Variants in OTUD7A observed in about 807,000 individuals in gnomAD.
OTUD7A encodes the protein OTU domain-containing protein 7A.
A neutral mutation model predicts 65.7 loss-of-function variants in OTUD7A; 12 were observed. The ratio of observed to expected loss-of-function variants is 0.18; its 90% CI spans 0.12 to 0.30. OTUD7A has a LOEUF of 0.30. OTUD7A is among the 10% of genes least tolerant of loss of function. The pLI is 1.00. For missense variants in OTUD7A, 1,148 were observed against 1,304.8 expected (o/e 0.88, Z 1.85); for synonymous variants, 641 against 586.3 (o/e 1.09, Z -1.35).
intron 1 of OTUD7A, among the ~76,000 whole-genome samples, chr15:31,862,803 G>A (rs1403441736): frequency 1.3e-5 from 2 of 152,016 alleles, no homozygotes; most frequent in Non-Finnish European, 2.9e-5. Flanking sequence ...AAAACCAATT[G>A]TGCCTTCCCA....
At chr15:31,578,613 G>A (rs1889277433) in intron 3 of OTUD7A, among the ~76,000 whole-genome samples, 1 of 151,578 alleles carries the variant, frequency 6.6e-6, no homozygotes, top group East Asian at 1.9e-4. Context: ...GTGCCGTGGT[G>A]CAATTTCAGC....
intron 10 of OTUD7A, 114 bp downstream of exon 10, chr15:31,501,576 T>C: frequency 7.4e-7 from 1 of 1,353,024 alleles, no homozygotes; most frequent in East Asian, 2.3e-5. Flanking sequence ...TGTGCACAGG[T>C]GTGCTTCTAA....
chr15:31,753,832 T>C (rs1466489268), intron 1 of OTUD7A, among the ~76,000 whole-genome samples: 4 of 150,876 alleles, frequency 2.7e-5, no homozygotes, highest in Non-Finnish European at 4.4e-5. Context: ...TAAACACACA[T>C]GTGCAGTTAT....
intron 1 of OTUD7A, among the ~76,000 whole-genome samples, chr15:31,732,650 T>C (rs1894079719): frequency 6.6e-6 from 1 of 152,228 alleles, no homozygotes; most frequent in Non-Finnish European, 1.5e-5. Flanking sequence ...AAGTTTCCTA[T>C]GTACAGGTGG....
rs186380729 is a variant in OTUD7A, at chr15:31,555,590, G to T, written c.550+3379C>A. Among the ~76,000 whole-genome samples, 116 of 152,282 alleles carry T rather than the reference G, an allele frequency of 7.6e-4. 1 individual carries two copies. The highest frequency in any genetic ancestry group is 2.7e-3 in the African/African-American group (113 of 41,564). On this transcript the variant is annotated intron_variant, in intron 5 of 12. Coordinates refer to ENST00000307050, the MANE Select transcript of OTUD7A (RefSeq NM_001382637.1). Reference sequence around the variant, plus strand: ...GTACAGGAGCTGCCAGTGCTTTCCAGTGACCAAACTCCTCACCCAGATGGG... The same window carrying T: ...GTACAGGAGCTGCCAGTGCTTTCCATTGACCAAACTCCTCACCCAGATGGG...
rs555002742 is a variant in OTUD7A at position 31,529,989 on chromosome 15, A to T, written c.652+718T>A. Among the ~76,000 whole-genome samples, 4 of 152,334 alleles carry T rather than the reference A, an allele frequency of 2.6e-5. No individual in the cohort carries two copies. The South Asian group carries it at 6.2e-4, about 24-fold the overall frequency. On this transcript the variant is annotated intron_variant, in intron 6 of 12. Coordinates refer to ENST00000307050, the MANE Select transcript of OTUD7A (RefSeq NM_001382637.1). ...CTTGTGCATATAACGCTGGGCCTAA[A>T]GGGATAACTGAGGTTCCAGAAAGTC...
chr15:31,482,334 A>C lies in OTUD7A; in HGVS notation c.*960T>G, dbSNP rs2141056881. On this transcript the variant is annotated 3_prime_UTR_variant, in exon 13 of 13. Coordinates refer to ENST00000307050, the MANE Select transcript of OTUD7A (RefSeq NM_001382637.1). ...GCCCCTTCCCTTTGGAAAGAGCAGC[A>C]GCCTAGTGGGGGCTTACACAGTGAC... The C allele has an allele frequency of 6.6e-6, 1 of 152,446 alleles. No individual in the cohort carries two copies. The highest frequency in any genetic ancestry group is 2.1e-4 in the South Asian group (1 of 4,828). 9.4% of individuals were successfully genotyped at this position (152,446 alleles called of 1,614,324 possible).
chr15:31,810,989 C>T (rs148002063), intron 1 of OTUD7A, among the ~76,000 whole-genome samples: 64 of 152,262 alleles, frequency 4.2e-4, no homozygotes, highest in African/African-American at 1.5e-3. Context: ...GTATTGTGTG[C>T]CTGTGAAGGA....
In OTUD7A at chr15:31,559,057, T is replaced by C; in HGVS notation, c.462A>G (p.Pro154=). The change falls in exon 5 of 13, where the codon CCA becomes CCG. Residue 154 remains proline, a synonymous_variant. Coordinates refer to ENST00000307050, the MANE Select transcript of OTUD7A (RefSeq NM_001382637.1). The stretch of plus-strand genomic sequence containing the variant: ...AATCCTCGCTGTACACGCTCAGGTC[T>C]GGCAACTGGAATGTGTAGATTGGCA... The part of the protein sequence containing the change: ...LEMPIYTFQL[P]DLSVYSEDFR... 1 of 1,614,222 alleles carries C rather than the reference T, an allele frequency of 6.2e-7. No individual in the cohort carries two copies. Among genetic ancestry groups the C allele is most frequent in the Non-Finnish European group, 8.5e-7 (1 of 1,180,038 alleles).
Position 31,665,041 on chromosome 15 carries a change from C to T in OTUD7A, c.-99-7964G>A, listed in dbSNP as rs141032964. Among the ~76,000 whole-genome samples, 1,218 of 152,242 alleles carry T rather than the reference C, an allele frequency of 8.0e-3. 16 individuals carry two copies. The highest frequency in any genetic ancestry group is 0.025 in the African/African-American group (1,031 of 41,558). On this transcript the variant is annotated intron_variant, in intron 1 of 12. Transcript: ENST00000307050. ...TGTGCCTATTTTTATACCAGTACCA[C>T]GCTGTTTTGGTGACTACGGCCTTAT...
chr15:31,864,795 A>AC (rs1491113393), intron 1 of OTUD7A, among the ~76,000 whole-genome samples: 1,500 of 141,588 alleles, frequency 0.011, 27 homozygotes, highest in African/African-American at 0.037. Flanking sequence ...ACACACACAC[A>AC]AGTCAAAGCA....
intron 1 of OTUD7A, among the ~76,000 whole-genome samples, chr15:31,736,144 G>A (rs1408010775): frequency 6.6e-6 from 1 of 152,146 alleles, no homozygotes; most frequent in African/African-American, 2.4e-5. Context: ...GAAATAATCT[G>A]TACAACAAAC....
At chr15:31,775,806 G>T (rs185273288) in intron 1 of OTUD7A, among the ~76,000 whole-genome samples, 41 of 152,284 alleles carry the variant, frequency 2.7e-4, no homozygotes, top group Non-Finnish European at 4.6e-4. Flanking sequence ...GTATCCCTCA[G>T]GACAGGTTCT....
At chr15:31,739,999 T>C (rs1894296156) in intron 1 of OTUD7A, among the ~76,000 whole-genome samples, 1 of 152,240 alleles carries the variant, frequency 6.6e-6, no homozygotes, top group East Asian at 1.9e-4. Context: ...CTTTGAATGA[T>C]GCTACACTTG....
At position 31,545,230 on chromosome 15, in the gene OTUD7A, T is replaced by G. The variant is rs143792535; in HGVS notation, c.550+13739A>C. 1.0e-2 allele frequency among the ~76,000 whole-genome samples: 1,520 copies of G among 152,186 alleles called. 16 individuals carry two copies. Among genetic ancestry groups the G allele is most frequent in the Non-Finnish European group, 0.016 (1,081 of 67,918 alleles). ...GATGATTTCAATAAATGGTACCATG[T>G]CAGGTTGATGAATATATGGGAAAAT... On this transcript the variant is annotated intron_variant, in intron 5 of 12. Coordinates refer to ENST00000307050, the MANE Select transcript of OTUD7A (RefSeq NM_001382637.1).
At chr15:31,805,732 T>A in intron 1 of OTUD7A, among the ~76,000 whole-genome samples, 1 of 152,038 alleles carries the variant, frequency 6.6e-6, no homozygotes, top group South Asian at 2.1e-4. Context: ...CTGCCTGAGG[T>A]CCCTGACTCC....
intron 1 of OTUD7A, among the ~76,000 whole-genome samples, chr15:31,752,818 C>T (rs1385116917): frequency 6.6e-6 from 1 of 151,930 alleles, no homozygotes; most frequent in African/African-American, 2.4e-5. Context: ...AAAATCTTTG[C>T]CATATAACAA....
At chr15:31,677,404 TC>T (rs1892617845) in intron 1 of OTUD7A, among the ~76,000 whole-genome samples, 3 of 152,152 alleles carry the variant, frequency 2.0e-5, no homozygotes, top group African/African-American at 7.2e-5. Flanking sequence ...AAAGTGAAGG[TC>T]CATCCAATAT....
chr15:31,534,449 C>T (rs1166184380), intron 5 of OTUD7A, among the ~76,000 whole-genome samples: 1 of 152,098 alleles, frequency 6.6e-6, no homozygotes, highest in Admixed American at 6.5e-5. Context: ...AACATCATAC[C>T]TAATGGTGAA....
Sources: gnomAD v4.1 joint callset for allele counts (sites outside exome capture counted in the v4.1 genomes callset) on GRCh38, gnomAD v4.1.1 for gene constraint, MANE v1.5 for transcripts, NCBI Gene and HGNC (gene_info 2026-07-23, HGNC 2026-07-21) for gene names.